The following SIT1 variants were observed in gnomAD, a reference collection of about 807,000 sequenced individuals.
SIT1 encodes the protein signaling threshold-regulating transmembrane adapter 1.
A neutral mutation model predicts 23.5 loss-of-function variants in SIT1; 19 were observed. The observed-to-expected ratio is 0.81, with a 90% CI of 0.56 to 1.19. SIT1 has a LOEUF of 1.19. Ranked by LOEUF, SIT1 falls within the 50% of genes most tolerant of loss-of-function variation. The pLI is 0.00. For synonymous variants in SIT1, 114 were observed against 109.1 expected (o/e 1.04, Z -0.28); for missense variants, 213 against 254.9 (o/e 0.84, Z 1.12).
rs755944704 is a variant in SIT1 at position 35,650,654 on chromosome 9, A to G, written c.101-17T>C. The G allele has an allele frequency of 1.1e-5, 17 of 1,613,170 alleles. No homozygotes were observed. Among genetic ancestry groups the G allele is most frequent in the Non-Finnish European group, 1.4e-5 (16 of 1,179,706 alleles). ...AGGGGATTCCTGTGGATGTGAAAGG[A>G]AGGGGGGTGTAACAGCCCCGCCCCA... On this transcript the variant is annotated splice_polypyrimidine_tract_variant and intron_variant, in intron 1 of 4. Coordinates refer to ENST00000259608, the MANE Select transcript of SIT1 (RefSeq NM_014450.3). The surrounding 1 kb of genome is among the most constrained non-coding windows in gnomAD (Gnocchi z 4.8).
At position 35,650,193 on chromosome 9, in the gene SIT1, G is replaced by T; in HGVS notation, c.348C>A (p.Gly116=). The T allele has an allele frequency of 6.2e-7, 1 of 1,613,980 alleles. No individual in the cohort carries two copies. The highest frequency in any genetic ancestry group is 8.5e-7 in the Non-Finnish European group (1 of 1,179,952). ...EPDQQDPTLG[G]PARAAEEVMC... ...GCCACAGTTGACTCACCCTGGCAGG[G>T]CCTCCAAGAGTTGGATCCTGCTGGT... is the stretch of plus-strand genomic sequence containing the variant. Residue 116 remains glycine, a synonymous_variant, in exon 4 of 5, where the codon GGC becomes GGA. Coordinates refer to ENST00000259608, the MANE Select transcript of SIT1 (RefSeq NM_014450.3). This position sits in a 1 kb window ranked among gnomAD's most constrained non-coding sequence, Gnocchi z 4.8.
At position 35,650,126 on chromosome 9, in the gene SIT1, GC is replaced by G; in HGVS notation, c.358-46del. On this transcript the variant is annotated intron_variant, in intron 4 of 4. Transcript: ENST00000259608. The surrounding 1 kb of genome is among the most constrained non-coding windows in gnomAD (Gnocchi z 4.8). ...AGAAGTTCACTGGACCCTCGGAAAA[GC>G]CCGAAAAGCCCCCCACTTCCTTCCC... 1 of 1,611,992 alleles carries G rather than the reference GC, an allele frequency of 6.2e-7. No individual in the cohort carries two copies. Among genetic ancestry groups the G allele is most frequent in the Non-Finnish European group, 8.5e-7 (1 of 1,178,330 alleles).
rs1445934535 is a variant in SIT1, at chr9:35,649,419, C to T, written c.*429G>A. 6.2e-6 allele frequency: 1 copy of T among 161,440 alleles called. No homozygotes were observed. The highest frequency in any genetic ancestry group is 1.3e-5 in the Non-Finnish European group (1 of 74,726). 10.0% of individuals were successfully genotyped at this position (161,440 alleles called of 1,614,324 possible). ...CTCGGGTCCCTCCCGTCTCTAAGTT[C>T]CAGGTCCACTCCAGTCTGTGGACTC... On this transcript the variant is annotated 3_prime_UTR_variant, in exon 5 of 5. Transcript: ENST00000259608.
Position 35,650,929 on chromosome 9 carries a change from A to G in SIT1, c.-76T>C. 9.3e-7 allele frequency: 1 copy of G among 1,076,808 alleles called. No individual in the cohort carries two copies. The highest frequency in any genetic ancestry group is 2.6e-5 in the East Asian group (1 of 38,578). The allele number at this position is 1,076,808 out of a possible 1,614,324, so 66.7% of individuals were successfully genotyped here. ...TACCCCGCAGCTCAGCATCCCCAAT[A>G]CTGGTGGTGGCAAAGTCTCTGGTTT... is the stretch of plus-strand genomic sequence containing the variant. On this transcript the variant is annotated 5_prime_UTR_variant, in exon 1 of 5. Coordinates refer to ENST00000259608, the MANE Select transcript of SIT1 (RefSeq NM_014450.3). The surrounding 1 kb of genome is among the most constrained non-coding windows in gnomAD (Gnocchi z 4.8).
rs1189973867 is a variant in SIT1, at chr9:35,650,340, C to T, written c.295+17G>A. On this transcript the variant is annotated intron_variant, in intron 3 of 4. Transcript: ENST00000259608. This position sits in a 1 kb window ranked among gnomAD's most constrained non-coding sequence, Gnocchi z 4.8. ...AGGACCTGGCCTCTGTGCCCCTCCTCTCTGCCAGCTCCCTACCTGTCTGTA... is the reference window on the plus strand; with the variant it reads ...AGGACCTGGCCTCTGTGCCCCTCCTTTCTGCCAGCTCCCTACCTGTCTGTA... 1.2e-6 allele frequency: 2 copies of T among 1,613,900 alleles called. No individual in the cohort carries two copies. Among genetic ancestry groups the T allele is most frequent in the Non-Finnish European group, 1.7e-6 (2 of 1,179,918 alleles).
chr9:35,650,734 C>A lies in SIT1; in HGVS notation c.100+20G>T. 10 of 1,612,616 alleles carry A rather than the reference C, an allele frequency of 6.2e-6. No individual in the cohort carries two copies. Among genetic ancestry groups the A allele is most frequent in the Non-Finnish European group, 8.5e-6 (10 of 1,179,276 alleles). ...GCCACATGACCCCTCCCCCACCAGC[C>A]CCTGCCCTGCCCAGCTCACCCAGTG... On this transcript the variant is annotated intron_variant, in intron 1 of 4. Transcript: ENST00000259608. The surrounding 1 kb of genome is among the most constrained non-coding windows in gnomAD (Gnocchi z 4.8).
rs749406184 is a variant in SIT1, at chr9:35,650,031, C to T, written c.408G>A (p.Gln136=). 3 of 1,588,134 alleles carry T rather than the reference C, an allele frequency of 1.9e-6. No homozygotes were observed. The highest frequency in any genetic ancestry group is 2.3e-5 in the South Asian group (2 of 87,998). ...CYTSLQLRPP[Q]GRIPGPGTPV... ...GGGTTCCAGGACCGGGGATCCGACCCTGAGGAGGCCGCAGCTGCAGGCTGG... is the reference window on the plus strand; with the variant it reads ...GGGTTCCAGGACCGGGGATCCGACCTTGAGGAGGCCGCAGCTGCAGGCTGG... The change falls in exon 5 of 5, where the codon CAG becomes CAA. Residue 136 remains glutamine (Q), a synonymous_variant. Transcript: ENST00000259608. This position sits in a 1 kb window ranked among gnomAD's most constrained non-coding sequence, Gnocchi z 4.8.
Position 35,650,147 on chromosome 9 carries a change from C to T in SIT1, c.357+37G>A. ...AAAAGCCCGAAAAGCCCCCCACTTC[C>T]TTCCCTCCCCCTTTTCTCCAGCCAC... On this transcript the variant is annotated intron_variant, in intron 4 of 4. Coordinates refer to ENST00000259608, the MANE Select transcript of SIT1 (RefSeq NM_014450.3). This position sits in a 1 kb window ranked among gnomAD's most constrained non-coding sequence, Gnocchi z 4.8. 1 of 1,611,618 alleles carries T rather than the reference C, an allele frequency of 6.2e-7. No homozygotes were observed. The highest frequency in any genetic ancestry group is 8.5e-7 in the Non-Finnish European group (1 of 1,177,748).
In SIT1 at chr9:35,650,120, G is replaced by A. The variant is rs942090121; in HGVS notation, c.358-39C>T. 1.5e-5 allele frequency: 24 copies of A among 1,612,048 alleles called. No homozygotes were observed. Among genetic ancestry groups the A allele is most frequent in the East Asian group, 6.7e-5 (3 of 44,854 alleles). On this transcript the variant is annotated intron_variant, in intron 4 of 4. Transcript: ENST00000259608. The surrounding 1 kb of genome is among the most constrained non-coding windows in gnomAD (Gnocchi z 4.8). The stretch of plus-strand genomic sequence containing the variant: ...GCTGTTAGAAGTTCACTGGACCCTC[G>A]GAAAAGCCCGAAAAGCCCCCCACTT...
chr9:35,650,917 A>C lies in SIT1; in HGVS notation c.-64T>G. ...TCCTCAGGCCCGTACCCCGCAGCTC[A>C]GCATCCCCAATACTGGTGGTGGCAA... is the stretch of plus-strand genomic sequence containing the variant. On this transcript the variant is annotated 5_prime_UTR_variant, in exon 1 of 5. Transcript: ENST00000259608. The surrounding 1 kb of genome is among the most constrained non-coding windows in gnomAD (Gnocchi z 4.8). 8 of 1,225,504 alleles carry C rather than the reference A, an allele frequency of 6.5e-6. No individual in the cohort carries two copies. Among genetic ancestry groups the C allele is most frequent in the Non-Finnish European group, 9.4e-6 (8 of 849,432 alleles). The allele number at this position is 1,225,504 out of a possible 1,614,324, so 75.9% of individuals were successfully genotyped here.
In SIT1 at chr9:35,650,663, G is replaced by A; in HGVS notation, c.101-26C>T. 1 of 1,612,834 alleles carries A rather than the reference G, an allele frequency of 6.2e-7. No homozygotes were observed. Among genetic ancestry groups the A allele is most frequent in the Non-Finnish European group, 8.5e-7 (1 of 1,179,476 alleles). Reference sequence around the variant, plus strand: ...CTGTGGATGTGAAAGGAAGGGGGGTGTAACAGCCCCGCCCCACCCCCAGGG... The same window carrying A: ...CTGTGGATGTGAAAGGAAGGGGGGTATAACAGCCCCGCCCCACCCCCAGGG... On this transcript the variant is annotated intron_variant, in intron 1 of 4. Coordinates refer to ENST00000259608, the MANE Select transcript of SIT1 (RefSeq NM_014450.3). This position sits in a 1 kb window ranked among gnomAD's most constrained non-coding sequence, Gnocchi z 4.8.
In SIT1 at chr9:35,650,298, C is replaced by T. The variant is rs1443889212; in HGVS notation, c.296-53G>A. ...GCAACTTGTCCTTCCTCCTGCACGC[C>T]CCCATCCCAGCCACCCAGGACCTGG... On this transcript the variant is annotated intron_variant, in intron 3 of 4. Coordinates refer to ENST00000259608, the MANE Select transcript of SIT1 (RefSeq NM_014450.3). The surrounding 1 kb of genome is among the most constrained non-coding windows in gnomAD (Gnocchi z 4.8). The T allele has an allele frequency of 9.3e-6, 15 of 1,611,766 alleles. No individual in the cohort carries two copies. The highest frequency in any genetic ancestry group is 6.7e-5 in the East Asian group (3 of 44,856).
chr9:35,650,241 C>G lies in SIT1; in HGVS notation c.300G>C (p.Arg100=). ...GGTCTGGCTCTGGGTCTTGAGACAG[C>G]CGTCCTGGGACGGGGAACAGGAATC... The part of the protein sequence containing the change: ...YGNLHYLQTG[R]LSQDPEPDQQ... Residue 100 remains arginine (R), a synonymous_variant, in exon 4 of 5, where the codon CGG becomes CGC. Transcript: ENST00000259608. The surrounding 1 kb of genome is among the most constrained non-coding windows in gnomAD (Gnocchi z 4.8). The G allele has an allele frequency of 1.2e-6, 2 of 1,613,502 alleles. No homozygotes were observed. Among genetic ancestry groups the G allele is most frequent in the Non-Finnish European group, 1.7e-6 (2 of 1,179,660 alleles).
Position 35,649,919 on chromosome 9 carries a change from C to A in SIT1, c.520G>T (p.Ala174Ser), listed in dbSNP as rs138786883. The A allele has an allele frequency of 7.7e-3, 12,180 of 1,586,728 alleles. 63 individuals carry two copies. Among genetic ancestry groups the A allele is most frequent in the Non-Finnish European group, 8.7e-3 (10,185 of 1,167,140 alleles). ...GAGGCCCGGGCCCTGCGGGTCTGGG[C>A]ACATACTGAGGCATAGAGCTCCGGC... The part of the protein sequence containing the change: ...PEPELYASVC[A>S]QTRRARASFP... Residue 174 changes from alanine (A) to serine (S), a missense_variant, in exon 5 of 5, where the codon GCC becomes TCC. Transcript: ENST00000259608.
Position 35,650,683 on chromosome 9 carries a change from C to T in SIT1, c.101-46G>A. The T allele has an allele frequency of 3.1e-6, 5 of 1,612,238 alleles. No individual in the cohort carries two copies. The highest frequency in any genetic ancestry group is 3.4e-6 in the Non-Finnish European group (4 of 1,179,074). On this transcript the variant is annotated intron_variant, in intron 1 of 4. Coordinates refer to ENST00000259608, the MANE Select transcript of SIT1 (RefSeq NM_014450.3). The surrounding 1 kb of genome is among the most constrained non-coding windows in gnomAD (Gnocchi z 4.8). ...GGGGTGTAACAGCCCCGCCCCACCCCCAGGGCCCAGCAGGTGGGACCTGGG... is the reference window on the plus strand; with the variant it reads ...GGGGTGTAACAGCCCCGCCCCACCCTCAGGGCCCAGCAGGTGGGACCTGGG...
At position 35,650,342 on chromosome 9, in the gene SIT1, C is replaced by G. The variant is rs1443306401; in HGVS notation, c.295+15G>C. 1 of 1,613,946 alleles carries G rather than the reference C, an allele frequency of 6.2e-7. No individual in the cohort carries two copies. The highest frequency in any genetic ancestry group is 2.2e-5 in the East Asian group (1 of 44,898). On this transcript the variant is annotated intron_variant, in intron 3 of 4. Coordinates refer to ENST00000259608, the MANE Select transcript of SIT1 (RefSeq NM_014450.3). This position sits in a 1 kb window ranked among gnomAD's most constrained non-coding sequence, Gnocchi z 4.8. ...GACCTGGCCTCTGTGCCCCTCCTCT[C>G]TGCCAGCTCCCTACCTGTCTGTAGA... is the stretch of plus-strand genomic sequence containing the variant.
At position 35,650,252 on chromosome 9, in the gene SIT1, C is replaced by G; in HGVS notation, c.296-7G>C. 1 of 1,613,094 alleles carries G rather than the reference C, an allele frequency of 6.2e-7. No individual in the cohort carries two copies. Among genetic ancestry groups the G allele is most frequent in the Non-Finnish European group, 8.5e-7 (1 of 1,179,370 alleles). On this transcript the variant is annotated splice_region_variant and splice_polypyrimidine_tract_variant and intron_variant, in intron 3 of 4. Coordinates refer to ENST00000259608, the MANE Select transcript of SIT1 (RefSeq NM_014450.3). The surrounding 1 kb of genome is among the most constrained non-coding windows in gnomAD (Gnocchi z 4.8). Reference sequence around the variant, plus strand: ...GGGTCTTGAGACAGCCGTCCTGGGACGGGGAACAGGAATCTGGTCAGCAAC... The same window carrying G: ...GGGTCTTGAGACAGCCGTCCTGGGAGGGGGAACAGGAATCTGGTCAGCAAC...
chr9:35,649,643 A>T lies in SIT1; in HGVS notation c.*205T>A, dbSNP rs1011750028. ...GAGGAACAGATAGAAAAAAGAAATA[A>T]GGAGGGGGCTACTGTCTTTGCCTCC... On this transcript the variant is annotated 3_prime_UTR_variant, in exon 5 of 5. Coordinates refer to ENST00000259608, the MANE Select transcript of SIT1 (RefSeq NM_014450.3). 44 of 459,898 alleles carry T rather than the reference A, an allele frequency of 9.6e-5. No individual in the cohort carries two copies. Among genetic ancestry groups the T allele is most frequent in the Non-Finnish European group, 1.6e-4 (42 of 260,868 alleles). 28.5% of individuals were successfully genotyped at this position (459,898 alleles called of 1,614,324 possible).
rs891827170 is a variant in SIT1 at position 35,650,058 on chromosome 9, A to G, written c.381T>C (p.Tyr127=). Reference sequence around the variant, plus strand: ...GAGGAGGCCGCAGCTGCAGGCTGGTATAGCACATCACCTCCTCTGCAGCCT... The same window carrying G: ...GAGGAGGCCGCAGCTGCAGGCTGGTGTAGCACATCACCTCCTCTGCAGCCT... ...PARAAEEVMC[Y]TSLQLRPPQG... is the part of the protein sequence containing the mutation. Residue 127 remains tyrosine, a synonymous_variant, in exon 5 of 5, where the codon TAT becomes TAC. Coordinates refer to ENST00000259608, the MANE Select transcript of SIT1 (RefSeq NM_014450.3). The surrounding 1 kb of genome is among the most constrained non-coding windows in gnomAD (Gnocchi z 4.8). The G allele has an allele frequency of 5.0e-6, 8 of 1,600,516 alleles. No homozygotes were observed. Among genetic ancestry groups the G allele is most frequent in the African/African-American group, 4.0e-5 (3 of 74,480 alleles).
Sources: gnomAD v4.1 joint callset for allele counts on GRCh38, gnomAD v4.1.1 for gene constraint, Gnocchi (gnomAD v3.1) non-coding constraint, MANE v1.5 for transcripts, NCBI Gene and HGNC (gene_info 2026-07-23, HGNC 2026-07-21) for gene names.